The following VPS8 variants were observed in gnomAD, a reference collection of about 807,000 sequenced individuals.
The protein encoded by VPS8 is VPS8 subunit of CORVET complex.
VPS8 carries 129 observed loss-of-function variants against 216.4 expected under a neutral mutation model. The observed-to-expected ratio is 0.60, with a 90% CI of 0.52 to 0.69. The LOEUF (loss-of-function observed/expected upper bound fraction) is 0.69. Ranked by LOEUF, VPS8 falls within the 30% of genes least tolerant of loss-of-function variation. The pLI is 0.00. For synonymous variants in VPS8, 571 were observed against 565.4 expected (o/e 1.01, Z -0.14); for missense variants, 1,531 against 1,683.5 (o/e 0.91, Z 1.59).
intron 40 of VPS8, among the ~76,000 whole-genome samples, chr3:184,975,958 C>A (rs1193708104): frequency 6.6e-6 from 1 of 152,156 alleles, no homozygotes; most frequent in African/African-American, 2.4e-5. Flanking sequence ...TGCCAACCCC[C>A]TTGCAGTTGA....
rs1410454363 is a variant in VPS8 at position 184,913,519 on chromosome 3, A to G, written c.2147A>G (p.Asp716Gly). 6.3e-7 allele frequency: 1 copy of G among 1,585,854 alleles called. No individual in the cohort carries two copies. Among genetic ancestry groups the G allele is most frequent in the Non-Finnish European group, 8.6e-7 (1 of 1,167,614 alleles). The change falls in exon 26 of 48, where the codon GAT (aspartate) becomes GGT (glycine). Residue 716 changes from aspartate (D) to glycine (G), a missense_variant and splice_region_variant. Physicochemically the swap from Asp to Gly is moderately conservative, Grantham distance 94. This residue lies in a region of VPS8 where 1,318 missense variants were observed against 1,468.4 expected (regional missense o/e 0.90). Transcript: ENST00000625842. ...GAAGATACTTCTCTTTCTATTTTAG[A>G]TGAACAAGTTGTTATGGGCAATAAG... ...PPLNAGKTLT[D>G]EQVVMGNKLL...
At chr3:184,936,107 G>T in intron 34 of VPS8, 139 bp from the exon 35 acceptor site, 1 of 553,436 alleles carries the variant, frequency 1.8e-6, no homozygotes, top group Non-Finnish European at 3.1e-6. Context: ...GCTTTAAATT[G>T]AGGCCCTATA....
At chr3:185,037,885 A>G (rs1488959976) in intron 46 of VPS8, among the ~76,000 whole-genome samples, 1 of 152,042 alleles carries the variant, frequency 6.6e-6, no homozygotes, top group African/African-American at 2.4e-5. Flanking sequence ...TTTGTAAACC[A>G]TGCTTTCCTT....
intron 8 of VPS8, among the ~76,000 whole-genome samples, chr3:184,845,776 T>A (rs1407713466): frequency 4.3e-4 from 58 of 133,918 alleles, no homozygotes; most frequent in Admixed American, 6.8e-4. Context: ...AAAAAAAAAA[T>A]GTATGAAGGT....
At chr3:184,834,501 A>G (rs1258743458) in intron 4 of VPS8, 148 bp from the exon 5 acceptor site, 6 of 614,148 alleles carry the variant, frequency 9.8e-6, no homozygotes, top group Non-Finnish European at 1.6e-5. Context: ...AAGTATAATA[A>G]TAATAAAAGA....
intron 34 of VPS8, among the ~76,000 whole-genome samples, chr3:184,935,870 T>G (rs554460561): frequency 6.6e-6 from 1 of 152,326 alleles, no homozygotes; most frequent in East Asian, 1.9e-4. Context: ...TTACAACTAT[T>G]CTTTCTCGTT....
chr3:184,998,922 C>T (rs1442184582), intron 44 of VPS8, among the ~76,000 whole-genome samples: 1 of 151,824 alleles, frequency 6.6e-6, no homozygotes, highest in Non-Finnish European at 1.5e-5. Flanking sequence ...CATTCTGTCT[C>T]CTAGGCTGGA....
chr3:184,823,427 T>C (rs1718044452), intron 1 of VPS8, among the ~76,000 whole-genome samples: 2 of 152,172 alleles, frequency 1.3e-5, no homozygotes, highest in African/African-American at 4.8e-5. Flanking sequence ...TTTACTAACA[T>C]ACACAATCTA....
Position 184,830,603 on chromosome 3 carries a change from C to G in VPS8, c.223-2086C>G, listed in dbSNP as rs184864565. On this transcript the variant is annotated intron_variant, in intron 3 of 47. Transcript: ENST00000625842. ...CTTGACATCTTCACTTCTTTTTTTC[C>G]CTTCACTTTTTCTTTCACTTATCCT... 7.6e-4 allele frequency among the ~76,000 whole-genome samples: 115 copies of G among 151,780 alleles called. 1 individual carries two copies. The highest frequency in any genetic ancestry group is 1.4e-3 in the Non-Finnish European group (92 of 67,910).
chr3:184,903,586 G>A (rs775021877), intron 25 of VPS8, among the ~76,000 whole-genome samples: 1 of 151,378 alleles, frequency 6.6e-6, no homozygotes, highest in Non-Finnish European at 1.5e-5. Context: ...CAAGTAGCTG[G>A]GACTACAGGC....
At chr3:184,878,111 A>G (rs1217579809) in intron 21 of VPS8, among the ~76,000 whole-genome samples, 1 of 151,782 alleles carries the variant, frequency 6.6e-6, no homozygotes, top group African/African-American at 2.4e-5. Flanking sequence ...TAATTTTAAA[A>G]GACCCTTTTT....
chr3:184,862,909 C>T lies in VPS8; in HGVS notation c.1237C>T (p.Arg413Cys), dbSNP rs764043994. ...GCTTGAATTACAGTGGATAAATTCACGCACAGTTGTGCTCTTAGACAGCGT... is the reference window on the plus strand; with the variant it reads ...GCTTGAATTACAGTGGATAAATTCATGCACAGTTGTGCTCTTAGACAGCGT... ...DLINFTWINS[R>C]TVVLLDSVEK... The change falls in exon 16 of 48, where the codon CGC (arginine) becomes TGC (cysteine). Residue 413 changes from arginine (R) to cysteine (C), a missense_variant. Arg to Cys is a radical substitution (Grantham distance 180). This residue lies in a region of VPS8 where 1,318 missense variants were observed against 1,468.4 expected (regional missense o/e 0.90). Transcript: ENST00000625842. 15 of 1,611,484 alleles carry T rather than the reference C, an allele frequency of 9.3e-6. No individual in the cohort carries two copies. Among genetic ancestry groups the T allele is most frequent in the East Asian group, 4.5e-5 (2 of 44,776 alleles).
At chr3:184,815,682 C>G (rs1055713187) in intron 1 of VPS8, 1 of 152,030 alleles carries the variant, frequency 6.6e-6, no homozygotes, top group Non-Finnish European at 1.5e-5. Context: ...TGATTGGCAG[C>G]ACCACCAAAA....
intron 21 of VPS8, among the ~76,000 whole-genome samples, chr3:184,885,434 T>C (rs1237900608): frequency 6.6e-6 from 1 of 152,224 alleles, no homozygotes; most frequent in African/African-American, 2.4e-5. Context: ...TGGATTATCA[T>C]TTACTTGATA....
intron 25 of VPS8, among the ~76,000 whole-genome samples, chr3:184,912,980 T>G (rs1736834453): frequency 6.6e-6 from 1 of 152,202 alleles, no homozygotes; most frequent in Non-Finnish European, 1.5e-5. Flanking sequence ...TCTGATTTCT[T>G]TAGTCAGAGA....
intron 29 of VPS8, 60 bp from the exon 30 acceptor site, chr3:184,924,802 T>C (rs1739276287): frequency 1.3e-6 from 2 of 1,517,938 alleles, no homozygotes; most frequent in African/African-American, 2.8e-5. Context: ...TAATTGTATT[T>C]TTTTTTTTTT....
chr3:184,834,386 T>C (rs1236848692), intron 4 of VPS8, among the ~76,000 whole-genome samples: 1 of 152,292 alleles, frequency 6.6e-6, no homozygotes, highest in East Asian at 1.9e-4. Context: ...TTTTAGGAGA[T>C]ATACCTAATG....
intron 40 of VPS8, among the ~76,000 whole-genome samples, chr3:184,974,934 G>T (rs1749019581): frequency 6.6e-6 from 1 of 152,108 alleles, no homozygotes; most frequent in African/African-American, 2.4e-5. Flanking sequence ...TTTCATACCA[G>T]TACTGTGCTG....
intron 21 of VPS8, among the ~76,000 whole-genome samples, chr3:184,879,400 T>C (rs774245127): frequency 3.9e-5 from 6 of 152,214 alleles, no homozygotes; most frequent in Non-Finnish European, 8.8e-5. Context: ...AGTGATTTCT[T>C]GCATCCTGCA....
Sources: gnomAD v4.1 joint callset for allele counts (sites outside exome capture counted in the v4.1 genomes callset) on GRCh38, gnomAD v4.1.1 for gene constraint, gnomAD v4.1.1 regional missense constraint, MANE v1.5 for transcripts, NCBI Gene and HGNC (gene_info 2026-07-23, HGNC 2026-07-21) for gene names.